Variants in GRID2 observed in about 807,000 individuals in gnomAD.
GRID2 encodes glutamate receptor ionotropic, delta-2.
A neutral mutation model predicts 114.8 loss-of-function variants in GRID2; 33 were observed. The ratio of observed to expected loss-of-function variants is 0.29; its 90% confidence interval spans 0.22 to 0.38. GRID2 has a LOEUF of 0.38. Among genes scored for constraint, GRID2 ranks in the 10% least tolerant of loss-of-function variants. The pLI is 1.00. For missense variants in GRID2, 1,184 were observed against 1,257.7 expected (o/e 0.94, Z 0.89); for synonymous variants, 505 against 449.9 (o/e 1.12, Z -1.55).
chr4:93,775,066 C>CAAT (rs1734337599), downstream of GRID2, among the ~76,000 whole-genome samples: 6 of 148,978 alleles, frequency 4.0e-5, no homozygotes, highest in Admixed American at 3.4e-4. Flanking sequence ...TGCATTTGAA[C>CAAT]AATAATTTTA....
At position 93,072,703 on chromosome 4, in the gene GRID2, A is replaced by G. The variant is rs534231626; in HGVS notation, c.245-12292A>G. Among the ~76,000 whole-genome samples, 7 of 152,180 alleles carry G rather than the reference A, an allele frequency of 4.6e-5. No individual in the cohort carries two copies. The South Asian group carries it at 1.5e-3, about 32-fold the overall frequency. On this transcript the variant is annotated intron_variant, in intron 2 of 15. Transcript: ENST00000282020. ...AATGGTATAGCCTAGAAATATTTTT[A>G]AACAATAAGAAATGGTTAGGTAGGT... is the stretch of plus-strand genomic sequence containing the variant.
At chr4:92,556,924 C>T (rs1726877523) in intron 1 of GRID2, among the ~76,000 whole-genome samples, 1 of 152,270 alleles carries the variant, frequency 6.6e-6, no homozygotes, top group South Asian at 2.1e-4. Context: ...AACCGTTTTA[C>T]ATGCTGCCTA....
intron 4 of GRID2, among the ~76,000 whole-genome samples, chr4:93,147,700 A>G (rs899368127): frequency 2.6e-5 from 4 of 152,130 alleles, no homozygotes; most frequent in Non-Finnish European, 5.9e-5. Context: ...AAGAAAAAAG[A>G]CAGATTTATT....
At chr4:93,239,203 TATATACAC>T (rs1747175350) in intron 8 of GRID2, among the ~76,000 whole-genome samples, 1 of 147,968 alleles carries the variant, frequency 6.8e-6, no homozygotes, top group Non-Finnish European at 1.5e-5. Context: ...CCAAATTATA[TATATACAC>T]ATATACACAC....
At chr4:92,461,843 T>G (rs1404441576) in intron 1 of GRID2, among the ~76,000 whole-genome samples, 1 of 152,002 alleles carries the variant, frequency 6.6e-6, no homozygotes, top group African/African-American at 2.4e-5. Flanking sequence ...TAGCAGGAAA[T>G]GCATAAGTAG....
chr4:92,756,349 G>A (rs182747042), intron 2 of GRID2, among the ~76,000 whole-genome samples: 42 of 152,080 alleles, frequency 2.8e-4, no homozygotes, highest in Non-Finnish European at 3.4e-4. Context: ...TCTCTTGACG[G>A]ACACTTAGTT....
intron 4 of GRID2, chr4:93,164,828 T>C (rs1053882033): frequency 2.8e-6 from 1 of 354,300 alleles, no homozygotes; most frequent in African/African-American, 2.1e-5. Context: ...TTGGAGTAAA[T>C]AAAGTAAGCT....
intron 1 of GRID2, among the ~76,000 whole-genome samples, chr4:92,372,569 A>G (rs939662272): frequency 1.3e-5 from 2 of 152,164 alleles, no homozygotes; most frequent in Admixed American, 6.6e-5. Flanking sequence ...GCAATAGAAT[A>G]TAGTTTAGTG....
chr4:93,226,394 A>C (rs1309376488), intron 7 of GRID2, among the ~76,000 whole-genome samples: 1 of 152,206 alleles, frequency 6.6e-6, no homozygotes, highest in Non-Finnish European at 1.5e-5. Context: ...TCCAAAACAG[A>C]GAAATAGGCA....
At chr4:92,519,345 A>G (rs1329008585) in intron 1 of GRID2, among the ~76,000 whole-genome samples, 1 of 151,870 alleles carries the variant, frequency 6.6e-6, no homozygotes, top group Non-Finnish European at 1.5e-5. Flanking sequence ...GCCATTAGTA[A>G]TTAGATATTT....
At chr4:93,555,241 G>C (rs982270099) in intron 13 of GRID2, among the ~76,000 whole-genome samples, 2 of 152,130 alleles carry the variant, frequency 1.3e-5, no homozygotes, top group Non-Finnish European at 2.9e-5. Context: ...GTGGCAACTG[G>C]AATGCCAGCG....
intron 1 of GRID2, among the ~76,000 whole-genome samples, chr4:92,325,385 TTTCCTTCCCCTTTCTTCTGTGCC>T (rs1726540203): frequency 6.6e-6 from 1 of 151,884 alleles, no homozygotes; most frequent in South Asian, 2.1e-4. Context: ...CAGTATTAGC[TTTCCTTCCCCTTTCTTCTGTGCC>T]TTCCCTCAAA....
intron 14 of GRID2, among the ~76,000 whole-genome samples, chr4:93,710,109 A>G (rs982951949): frequency 2.0e-5 from 3 of 152,128 alleles, no homozygotes; most frequent in Admixed American, 2.0e-4. Context: ...GTTTTCCTGG[A>G]TGGTCTTAAT....
chr4:92,488,954 AT>A (rs766778525), intron 1 of GRID2, among the ~76,000 whole-genome samples: 1 of 152,188 alleles, frequency 6.6e-6, no homozygotes, highest in Non-Finnish European at 1.5e-5. Context: ...AGCCTACCCA[AT>A]TTATACCACC....
At chr4:92,647,597 AATAC>A (rs1731714934) in intron 2 of GRID2, among the ~76,000 whole-genome samples, 1 of 149,596 alleles carries the variant, frequency 6.7e-6, no homozygotes, top group Non-Finnish European at 1.5e-5. Flanking sequence ...TTGAAGATAA[AATAC>A]ATATTTTCTG....
chr4:93,557,014 T>C (rs1047917975), intron 13 of GRID2, among the ~76,000 whole-genome samples: 3 of 152,054 alleles, frequency 2.0e-5, no homozygotes, highest in Admixed American at 6.6e-5. Context: ...GAAGAAGAAA[T>C]AAAATTTTTT....
chr4:92,721,346 A>G (rs1355368429), intron 2 of GRID2, among the ~76,000 whole-genome samples: 1 of 152,166 alleles, frequency 6.6e-6, no homozygotes, highest in Non-Finnish European at 1.5e-5. Context: ...TGGTGAAAAC[A>G]TCAATGTGAT....
In GRID2 at chr4:93,078,594, C is replaced by T. The variant is rs141677712; in HGVS notation, c.245-6401C>T. Among the ~76,000 whole-genome samples, 368 of 148,746 alleles carry T rather than the reference C, an allele frequency of 2.5e-3. 1 individual carries two copies. Among genetic ancestry groups the T allele is most frequent in the African/African-American group, 8.0e-3 (327 of 40,768 alleles). On this transcript the variant is annotated intron_variant, in intron 2 of 15. Coordinates refer to ENST00000282020, the MANE Select transcript of GRID2 (RefSeq NM_001510.4). The stretch of plus-strand genomic sequence containing the variant: ...GAGATTGATCTGAATTTCCTTAAAT[C>T]GGGAGCTATGAAATCTATCATTGAA...
intron 2 of GRID2, among the ~76,000 whole-genome samples, chr4:92,908,411 G>A (rs1411416833): frequency 1.3e-5 from 2 of 151,928 alleles, no homozygotes; most frequent in East Asian, 3.9e-4. Context: ...GTAGCACAAA[G>A]ACACTGAAAA....
Sources: gnomAD v4.1 joint callset for allele counts (sites outside exome capture counted in the v4.1 genomes callset) on GRCh38, gnomAD v4.1.1 for gene constraint, MANE v1.5 for transcripts, NCBI Gene and HGNC (gene_info 2026-07-23, HGNC 2026-07-21) for gene names.